The following ARHGAP22 variants were observed in gnomAD, a reference collection of about 807,000 sequenced individuals.
The protein encoded by ARHGAP22 is rho GTPase-activating protein 22.
Under a neutral mutation model 59.1 loss-of-function variants are expected in ARHGAP22, and 48 were observed. That is an observed-to-expected ratio of 0.81 (90% CI 0.64 to 1.03). The LOEUF is 1.03. Among genes scored for constraint, ARHGAP22 ranks in the 50% least tolerant of loss-of-function variants. The pLI is 0.00. For synonymous variants in ARHGAP22, 445 were observed against 416.4 expected, an observed-to-expected ratio of 1.07 and a Z score of -0.84; for missense variants, 1,015 against 958.7, an observed-to-expected ratio of 1.06 and a Z score of -0.78.
chr10:48,599,660 C>T (rs2060267719), intron 1 of ARHGAP22, among the ~76,000 whole-genome samples: 1 of 152,232 alleles, frequency 6.6e-6, no homozygotes, highest in Non-Finnish European at 1.5e-5. Context: ...CAACACCTGG[C>T]ACCACTGGTG....
intron 1 of ARHGAP22, among the ~76,000 whole-genome samples, chr10:48,591,705 A>G (rs2059766264): frequency 6.6e-6 from 1 of 152,090 alleles, no homozygotes; most frequent in African/African-American, 2.4e-5. Flanking sequence ...GAAACCTCAT[A>G]TCTACAAAAA....
rs1210950197 is a variant in ARHGAP22 at position 48,518,042 on chromosome 10, A to T, written c.322+37421T>A. Among the ~76,000 whole-genome samples the T allele has an allele frequency of 2.0e-5, 3 of 152,134 alleles. No individual in the cohort carries two copies. In the South Asian group the frequency reaches 6.2e-4, roughly 32 times the overall value. ...AAATGAAACCAAATTTCTCTGCTGG[A>T]TGCTGGTTCCCTTTTTGAAAAACCC... On this transcript the variant is annotated intron_variant, in intron 3 of 9. Coordinates refer to ENST00000249601, the MANE Select transcript of ARHGAP22 (RefSeq NM_021226.4).
intron 3 of ARHGAP22, among the ~76,000 whole-genome samples, chr10:48,537,826 T>A (rs1370015483): frequency 2.0e-5 from 3 of 152,060 alleles, no homozygotes; most frequent in Non-Finnish European, 4.4e-5. Context: ...GCATGCTGCA[T>A]GGATGGAGGT....
At chr10:48,650,146 C>CTAT (rs2062496403) in intron 1 of ARHGAP22, among the ~76,000 whole-genome samples, 1 of 82,080 alleles carries the variant, frequency 1.2e-5, no homozygotes, top group Non-Finnish European at 2.3e-5. Context: ...GCTGGAGACT[C>CTAT]TTTTTTTTTT....
At chr10:48,492,041 G>A (rs2050449425) in intron 3 of ARHGAP22, among the ~76,000 whole-genome samples, 1 of 152,150 alleles carries the variant, frequency 6.6e-6, no homozygotes, top group African/African-American at 2.4e-5. Flanking sequence ...GGGGAGAGGG[G>A]GAGGCTCGAA....
At chr10:48,578,670 T>C (rs561513321) in intron 2 of ARHGAP22, among the ~76,000 whole-genome samples, 1 of 117,428 alleles carries the variant, frequency 8.5e-6, no homozygotes, top group East Asian at 2.9e-4. Flanking sequence ...GGTCTCTGAT[T>C]TCATTTTTTT....
At chr10:48,585,304 GT>G (rs869268200) in intron 1 of ARHGAP22, among the ~76,000 whole-genome samples, 1 of 151,424 alleles carries the variant, frequency 6.6e-6, no homozygotes, top group East Asian at 1.9e-4. Flanking sequence ...CTGTTTTTTT[GT>G]TTGATCACCA....
At chr10:48,448,913 C>A (rs1003689255) in intron 9 of ARHGAP22, among the ~76,000 whole-genome samples, 1 of 152,298 alleles carries the variant, frequency 6.6e-6, no homozygotes, top group East Asian at 1.9e-4. Context: ...ATACTCAGGA[C>A]AAATGGGTGA....
At chr10:48,453,758 T>G (rs3855904) in intron 7 of ARHGAP22, among the ~76,000 whole-genome samples, 5,907 of 152,144 alleles carry the variant, frequency 0.039, 138 homozygotes, top group African/African-American at 0.052. Flanking sequence ...GTGTCTAGGA[T>G]GGGGATACAT....
At chr10:48,581,091 C>T (rs12243298) in intron 2 of ARHGAP22, among the ~76,000 whole-genome samples, 61,603 of 151,946 alleles carry the variant, frequency 0.41, 13,369 homozygotes, top group Non-Finnish European at 0.49. Context: ...TCTGCCTTCC[C>T]CCAAAGACCA....
Position 48,479,704 on chromosome 10 carries a change from C to G in ARHGAP22, c.383G>C (p.Ser128Thr), listed in dbSNP as rs2049098408. ...ANPEALLLMA[S>T]SQRDMEDWVQ... ...CCAGTCCTCCATGTCACGCTGGGAG[C>G]TGGCCATGAGCAGGAGCGCCTCGGG... Residue 128 changes from serine (S) to threonine (T), a missense_variant, in exon 4 of 10, where the codon AGC (serine) becomes ACC (threonine). Coordinates refer to ENST00000249601, the MANE Select transcript of ARHGAP22 (RefSeq NM_021226.4). 6.2e-7 allele frequency: 1 copy of G among 1,610,730 alleles called. No individual in the cohort carries two copies. The highest frequency in any genetic ancestry group is 8.5e-7 in the Non-Finnish European group (1 of 1,178,540).
chr10:48,582,258 C>T (rs2059162508), intron 2 of ARHGAP22, among the ~76,000 whole-genome samples: 1 of 152,212 alleles, frequency 6.6e-6, no homozygotes, highest in Non-Finnish European at 1.5e-5. Context: ...AAGGTCCCTT[C>T]CTGTTTTATC....
chr10:48,441,889 A>C (rs2045211112), downstream of ARHGAP22, among the ~76,000 whole-genome samples: 1 of 152,170 alleles, frequency 6.6e-6, no homozygotes, highest in Non-Finnish European at 1.5e-5. Context: ...CATGCCTCTT[A>C]CTGTTACTTG....
intron 2 of ARHGAP22, among the ~76,000 whole-genome samples, chr10:48,578,089 G>A (rs1259841088): frequency 6.6e-6 from 1 of 152,080 alleles, no homozygotes; most frequent in African/African-American, 2.4e-5. Context: ...GACTAGAGGC[G>A]TGAGCCACTG....
At chr10:48,655,068 C>CTTCTCTTCT (rs2062743906), upstream of ARHGAP22, among the ~76,000 whole-genome samples, 2 of 22,130 alleles carry the variant, frequency 9.0e-5, no homozygotes, top group Non-Finnish European at 1.7e-4. Flanking sequence ...TTCCTTCCCT[C>CTTCTCTTCT]CTTCTCTTCT....
chr10:48,582,182 G>C (rs930332682), intron 2 of ARHGAP22, among the ~76,000 whole-genome samples: 1 of 152,162 alleles, frequency 6.6e-6, no homozygotes, highest in Non-Finnish European at 1.5e-5. Flanking sequence ...CTGTGACACC[G>C]AACAGGGGAT....
In ARHGAP22 at chr10:48,512,186, GCAT is replaced by G. The variant is rs2052843069; in HGVS notation, c.323-32425_323-32423del. 3.9e-5 allele frequency among the ~76,000 whole-genome samples: 6 copies of G among 152,366 alleles called. No homozygotes were observed. In the South Asian group the frequency reaches 1.2e-3, roughly 32 times the overall value. On this transcript the variant is annotated intron_variant, in intron 3 of 9. Coordinates refer to ENST00000249601, the MANE Select transcript of ARHGAP22 (RefSeq NM_021226.4). ...TTGTTGCCAGTTTCATTGGCAAATG[GCAT>G]ATGCTGCTTTTCTTATTGTCCTTTG...
intron 1 of ARHGAP22, among the ~76,000 whole-genome samples, chr10:48,622,123 T>C (rs139466663): frequency 3.7e-4 from 57 of 152,362 alleles, no homozygotes; most frequent in Non-Finnish European, 6.8e-4. Flanking sequence ...ATTGGAGAGT[T>C]TAGTCCATTT....
At chr10:48,612,609 C>G (rs2060938335) in intron 1 of ARHGAP22, among the ~76,000 whole-genome samples, 1 of 152,244 alleles carries the variant, frequency 6.6e-6, no homozygotes, top group Admixed American at 6.5e-5. Flanking sequence ...TGCTTTTAGG[C>G]TCTCTGTAGC....
Sources: gnomAD v4.1 joint callset for allele counts (sites outside exome capture counted in the v4.1 genomes callset) on GRCh38, gnomAD v4.1.1 for gene constraint, MANE v1.5 for transcripts, NCBI Gene and HGNC (gene_info 2026-07-23, HGNC 2026-07-21) for gene names.